Variants in CENPP observed in about 807,000 individuals in gnomAD.
The protein encoded by CENPP is centromere protein P.
In CENPP, 24 loss-of-function variants were observed where a neutral mutation model predicts 35.6. That is an observed-to-expected ratio of 0.67 (90% CI 0.49 to 0.95). CENPP has a LOEUF of 0.95. CENPP is among the 40% of genes least tolerant of loss of function. CENPP has a pLI of 0.00. For synonymous variants in CENPP, 120 were observed against 125.5 expected (o/e 0.96, Z 0.29); for missense variants, 332 against 345.3 (o/e 0.96, Z 0.31).
intron 4 of CENPP, among the ~76,000 whole-genome samples, chr9:92,352,302 G>A (rs916569607): frequency 1.3e-5 from 2 of 150,008 alleles, no homozygotes; most frequent in African/African-American, 4.9e-5. Flanking sequence ...CCGGGGAGGC[G>A]GAGGTTGCAG....
At chr9:92,504,350 G>C (rs1243145639) in intron 5 of CENPP, among the ~76,000 whole-genome samples, 1 of 152,166 alleles carries the variant, frequency 6.6e-6, no homozygotes, top group Non-Finnish European at 1.5e-5. Context: ...AGCCACATAA[G>C]ATCACAATAG....
Position 92,586,078 on chromosome 9 carries a change from T to C in CENPP, c.565-25236T>C, listed in dbSNP as rs1163883440. On this transcript the variant is annotated intron_variant, in intron 5 of 7. Coordinates refer to ENST00000375587, the MANE Select transcript of CENPP (RefSeq NM_001012267.3). Reference sequence around the variant, plus strand: ...TTCTCTTTTTGAGACAGCGTTTCGCTCTTGTCGCCCAGGCTGGAGCGCAAT... The same window carrying C: ...TTCTCTTTTTGAGACAGCGTTTCGCCCTTGTCGCCCAGGCTGGAGCGCAAT... Among the ~76,000 whole-genome samples the C allele has an allele frequency of 4.6e-5, 7 of 152,312 alleles. No homozygotes were observed. In the East Asian group the frequency reaches 1.4e-3, roughly 29 times the overall value.
Position 92,337,319 on chromosome 9 carries a change from GA to G in CENPP, c.290-210del, listed in dbSNP as rs745533499. ...GGCAACAAGAGCGAAACTCCTTCTGGAAAAAAAAAAAAGAAAACTAGAAACA... is the reference window on the plus strand; with the variant it reads ...GGCAACAAGAGCGAAACTCCTTCTGGAAAAAAAAAAAGAAAACTAGAAACA... On this transcript the variant is annotated intron_variant, in intron 2 of 7. Transcript: ENST00000375587. Among the ~76,000 whole-genome samples, 143 of 140,678 alleles carry G rather than the reference GA, an allele frequency of 1.0e-3. 1 individual carries two copies. Among genetic ancestry groups the G allele is most frequent in the Middle Eastern group, 7.2e-3 (2 of 276 alleles). The allele number at this position is 140,678 out of a possible 152,430, so 92.3% of individuals were successfully genotyped here. A position where few individuals can be genotyped will look rare whatever the true frequency, so the allele number is the denominator to read the frequency against.
At chr9:92,407,146 G>C (rs1261187979) in intron 5 of CENPP, among the ~76,000 whole-genome samples, 1 of 152,156 alleles carries the variant, frequency 6.6e-6, no homozygotes, top group Admixed American at 6.5e-5. Flanking sequence ...GTGGGGTATT[G>C]CCAACCAGGC....
At chr9:92,400,019 T>C (rs570581620) in intron 5 of CENPP, among the ~76,000 whole-genome samples, 1 of 152,356 alleles carries the variant, frequency 6.6e-6, no homozygotes, top group East Asian at 1.9e-4. Flanking sequence ...AATCTGGTTT[T>C]CCAGCTTTAT....
intron 5 of CENPP, chr9:92,385,810 A>G (rs1490633785): frequency 6.2e-7 from 1 of 1,613,340 alleles, no homozygotes. Context: ...AACGAGGAAA[A>G]CATTGTTCAG....
chr9:92,436,970 C>A (rs1290031280), intron 5 of CENPP, among the ~76,000 whole-genome samples: 2 of 152,102 alleles, frequency 1.3e-5, no homozygotes, highest in Non-Finnish European at 2.9e-5. Context: ...GAGGCCAAGG[C>A]GGGCAGATCA....
At chr9:92,501,757 T>C (rs185078881) in intron 5 of CENPP, among the ~76,000 whole-genome samples, 219 of 152,328 alleles carry the variant, frequency 1.4e-3, no homozygotes, top group African/African-American at 4.8e-3. Flanking sequence ...TGCTTCTGAA[T>C]GACACGTGTC....
intron 5 of CENPP, among the ~76,000 whole-genome samples, chr9:92,531,590 G>A (rs1354943044): frequency 3.3e-5 from 5 of 151,804 alleles, no homozygotes; most frequent in Non-Finnish European, 5.9e-5. Flanking sequence ...TCAGCAATCC[G>A]TGGCCTCTAC....
chr9:92,484,036 G>T (rs1359444704), intron 5 of CENPP, among the ~76,000 whole-genome samples: 1 of 152,098 alleles, frequency 6.6e-6, no homozygotes, highest in East Asian at 1.9e-4. Context: ...ATATGAACTG[G>T]ATTTTTAAAA....
chr9:92,573,904 C>T (rs560426671), intron 5 of CENPP, among the ~76,000 whole-genome samples: 15 of 152,298 alleles, frequency 9.8e-5, no homozygotes, highest in Admixed American at 4.6e-4. Context: ...GAGCCAGGCG[C>T]GGGATGTAAT....
intron 5 of CENPP, chr9:92,517,379 A>G (rs1001911981): frequency 7.5e-6 from 4 of 536,580 alleles, no homozygotes; most frequent in African/African-American, 5.7e-5. Context: ...TTAATGCAAT[A>G]AGAATTCAGG....
chr9:92,434,655 C>G (rs1844202842), intron 5 of CENPP, among the ~76,000 whole-genome samples: 2 of 152,022 alleles, frequency 1.3e-5, no homozygotes, highest in Non-Finnish European at 1.5e-5. Flanking sequence ...GGGAGAAAAT[C>G]TCATTCAGAA....
intron 4 of CENPP, among the ~76,000 whole-genome samples, chr9:92,355,079 A>G (rs1238075822): frequency 6.6e-6 from 1 of 152,214 alleles, no homozygotes; most frequent in African/African-American, 2.4e-5. Flanking sequence ...TCAGCGGTGC[A>G]CATATTGTCT....
chr9:92,376,022 T>C (rs992858841), intron 4 of CENPP, among the ~76,000 whole-genome samples: 1 of 152,180 alleles, frequency 6.6e-6, no homozygotes, highest in Non-Finnish European at 1.5e-5. Context: ...TGGTTCTGTA[T>C]GGGGACACTA....
At position 92,616,282 on chromosome 9, in the gene CENPP, C is replaced by T. The variant is rs1851431500; in HGVS notation, c.*3133C>T. ...CACCTGTGATCTGTGCGTGTGACAG[C>T]TGTCTGTGCCGGCTGTGTGCACCAG... On this transcript the variant is annotated 3_prime_UTR_variant, in exon 8 of 8. Coordinates refer to ENST00000375587, the MANE Select transcript of CENPP (RefSeq NM_001012267.3). 6.2e-6 allele frequency: 3 copies of T among 485,230 alleles called. No homozygotes were observed. The allele number at this position is 485,230 out of a possible 1,614,324, so 30.1% of individuals were successfully genotyped here. A position where few individuals can be genotyped will look rare whatever the true frequency, so the allele number is the denominator to read the frequency against.
At chr9:92,566,922 G>T (rs185516729) in intron 5 of CENPP, among the ~76,000 whole-genome samples, 93 of 152,296 alleles carry the variant, frequency 6.1e-4, no homozygotes, top group African/African-American at 2.1e-3. Flanking sequence ...GTGCAAAACA[G>T]AGAAACTTGA....
intron 5 of CENPP, chr9:92,528,020 G>T (rs1307165192): frequency 6.6e-6 from 1 of 152,010 alleles, no homozygotes; most frequent in African/African-American, 2.4e-5. Flanking sequence ...TCAGACTTTT[G>T]GAGAGTCTGT....
intron 5 of CENPP, chr9:92,494,273 GT>G: frequency 1.2e-6 from 1 of 840,034 alleles, no homozygotes; most frequent in Non-Finnish European, 1.8e-6. Context: ...TACTAATTTT[GT>G]TTACAGCTTA....
Sources: allele counts gnomAD v4.1 joint callset (sites outside exome capture counted in the v4.1 genomes callset), GRCh38; gene constraint gnomAD v4.1.1; transcripts MANE v1.5; gene names NCBI Gene and HGNC (gene_info 2026-07-23, HGNC 2026-07-21).